Variants in SYNPR observed in about 807,000 individuals in gnomAD.
SYNPR encodes synaptoporin.
Under a neutral mutation model 32.9 loss-of-function variants are expected in SYNPR, and 23 were observed. That is an observed-to-expected ratio of 0.70 (90% CI 0.50 to 0.99). The LOEUF (loss-of-function observed/expected upper bound fraction) is 0.99, where lower values mean the gene tolerates loss of function less well. SYNPR is among the 50% of genes least tolerant of loss of function. The probability of loss-of-function intolerance (pLI) is 0.00; values close to 1 mark genes in which losing one functional copy is unlikely to be tolerated. For missense variants in SYNPR, 318 were observed against 349.3 expected (o/e 0.91, Z 0.71); for synonymous variants, 146 against 135.9 (o/e 1.07, Z -0.52).
rs571518246 is a variant in SYNPR, at chr3:63,279,224, C to T, written c.84+482C>T. 2.6e-5 allele frequency among the ~76,000 whole-genome samples: 4 copies of T among 152,248 alleles called. No individual in the cohort carries two copies. The South Asian group carries it at 8.3e-4, about 32-fold the overall frequency. On this transcript the variant is annotated intron_variant, in intron 2 of 5. Transcript: ENST00000478300. The stretch of plus-strand genomic sequence containing the variant: ...CTCTGCGGGACTGGGATGCTGGAAG[C>T]GCGTGTTCAACTGCTCCGCGGGAGC...
intron 2 of SYNPR, among the ~76,000 whole-genome samples, chr3:63,361,255 C>T (rs368624704): frequency 1.3e-5 from 2 of 151,728 alleles, no homozygotes; most frequent in Non-Finnish European, 2.9e-5. Flanking sequence ...AATTGTGGTT[C>T]CCTGAAGGTA....
chr3:63,583,982 C>T (rs1332699478), intron 4 of SYNPR, among the ~76,000 whole-genome samples: 2 of 152,026 alleles, frequency 1.3e-5, no homozygotes, highest in African/African-American at 2.4e-5. Context: ...AGCAGGCTTA[C>T]AGAGGAGGAG....
At chr3:63,396,554 A>G (rs547537086) in intron 2 of SYNPR, among the ~76,000 whole-genome samples, 1 of 152,240 alleles carries the variant, frequency 6.6e-6, no homozygotes, top group African/African-American at 2.4e-5. Flanking sequence ...CTTTTTCTTA[A>G]CATGTCAAGA....
intron 2 of SYNPR, among the ~76,000 whole-genome samples, chr3:63,435,732 T>C (rs556554726): frequency 2.0e-5 from 3 of 152,370 alleles, no homozygotes; most frequent in African/African-American, 7.2e-5. Context: ...GAATGTACCA[T>C]CTATATTCTC....
intron 4 of SYNPR, among the ~76,000 whole-genome samples, chr3:63,565,854 C>A (rs1203343907): frequency 2.0e-5 from 3 of 152,286 alleles, no homozygotes; most frequent in South Asian, 4.1e-4. Context: ...GTGTTCATTC[C>A]TCTGGGTCCA....
chr3:63,517,550 G>C (rs559659302), intron 3 of SYNPR, among the ~76,000 whole-genome samples: 1 of 152,210 alleles, frequency 6.6e-6, no homozygotes, highest in Non-Finnish European at 1.5e-5. Flanking sequence ...TACTTCATAA[G>C]CTTAATTTTA....
intron 4 of SYNPR, among the ~76,000 whole-genome samples, chr3:63,571,487 TA>T (rs1369574002): frequency 6.6e-6 from 1 of 152,130 alleles, no homozygotes; most frequent in Non-Finnish European, 1.5e-5. Flanking sequence ...GGTTACTTGA[TA>T]AATAGGTAAT....
At chr3:63,222,980 G>T in the SYNPR span, among the ~76,000 whole-genome samples, 3 of 152,144 alleles carry the variant, frequency 2.0e-5, no homozygotes, top group Non-Finnish European at 4.4e-5. Context: ...CTCAAAATCT[G>T]CTGTAGATCA....
intron 2 of SYNPR, among the ~76,000 whole-genome samples, chr3:63,365,692 GA>G (rs1384377067): frequency 2.0e-4 from 31 of 152,276 alleles, no homozygotes; most frequent in African/African-American, 7.2e-4. Context: ...TTGAGGAAAA[GA>G]ATGTTATCCA....
At chr3:63,360,272 C>A (rs2087638646) in intron 2 of SYNPR, among the ~76,000 whole-genome samples, 1 of 152,128 alleles carries the variant, frequency 6.6e-6, no homozygotes, top group Non-Finnish European at 1.5e-5. Context: ...GCAAATTCTT[C>A]CCATGATCCC....
the SYNPR span, among the ~76,000 whole-genome samples, chr3:63,212,057 G>A: frequency 1.9e-5 from 1 of 51,870 alleles, no homozygotes; most frequent in East Asian, 2.6e-4. Flanking sequence ...TTTTATGGCT[G>A]CATAGTATTC....
At chr3:63,527,029 G>A (rs986171156) in intron 3 of SYNPR, among the ~76,000 whole-genome samples, 1 of 152,138 alleles carries the variant, frequency 6.6e-6, no homozygotes, top group Non-Finnish European at 1.5e-5. Flanking sequence ...TTCGCCCAGA[G>A]ACAATCAGGA....
intron 2 of SYNPR, among the ~76,000 whole-genome samples, chr3:63,313,075 A>G (rs1237235949): frequency 6.6e-6 from 1 of 151,990 alleles, no homozygotes; most frequent in Non-Finnish European, 1.5e-5. Flanking sequence ...CAGAAACTCT[A>G]TTTCAATCAC....
intron 1 of SYNPR, among the ~76,000 whole-genome samples, chr3:63,242,998 A>G (rs570737582): frequency 1.3e-5 from 2 of 152,180 alleles, no homozygotes; most frequent in South Asian, 4.1e-4. Flanking sequence ...AAATGTACAT[A>G]TTAGAATATA....
intron 3 of SYNPR, among the ~76,000 whole-genome samples, chr3:63,508,462 C>A (rs993923200): frequency 1.3e-5 from 2 of 152,054 alleles, no homozygotes; most frequent in Admixed American, 6.6e-5. Flanking sequence ...TGTAAGGTGA[C>A]TCTGGTGATG....
intron 2 of SYNPR, among the ~76,000 whole-genome samples, chr3:63,296,469 A>T (rs11928611): frequency 2.4e-4 from 37 of 151,862 alleles, no homozygotes; most frequent in Admixed American, 1.6e-3. Context: ...TCAGGAGCCT[A>T]GTCTGGTGGA....
chr3:63,600,480 C>T (rs573790070), intron 4 of SYNPR, among the ~76,000 whole-genome samples: 1 of 152,122 alleles, frequency 6.6e-6, no homozygotes, highest in African/African-American at 2.4e-5. Context: ...TGCAAGGTAT[C>T]CTCAAACTCA....
rs375398564 is a variant in SYNPR at position 63,525,888 on chromosome 3, C to T, written c.210-30655C>T. ...AAGAAAAGCCACACTTCTTGTACAG[C>T]CTGCAGAACCATGAGCCATTTAAAT... On this transcript the variant is annotated intron_variant, in intron 3 of 5. Transcript: ENST00000478300. Among the ~76,000 whole-genome samples, 4 of 152,254 alleles carry T rather than the reference C, an allele frequency of 2.6e-5. No individual in the cohort carries two copies. In the East Asian group the frequency reaches 7.8e-4, roughly 30 times the overall value.
chr3:63,511,659 C>T (rs1701701693), intron 3 of SYNPR, among the ~76,000 whole-genome samples: 1 of 152,100 alleles, frequency 6.6e-6, no homozygotes, highest in African/African-American at 2.4e-5. Flanking sequence ...GGCCTTTTAT[C>T]ATATATGGCC....
Sources: allele counts gnomAD v4.1 joint callset (sites outside exome capture counted in the v4.1 genomes callset), GRCh38; gene constraint gnomAD v4.1.1; transcripts MANE v1.5; gene names NCBI Gene and HGNC (gene_info 2026-07-23, HGNC 2026-07-21).